Variants in EP400 observed in about 807,000 individuals in gnomAD.
EP400 encodes E1A binding protein p400, also known as E1A-binding protein p400.
In EP400, 105 loss-of-function variants were observed where a neutral mutation model predicts 354.1. The observed-to-expected ratio is 0.30, with a 90% confidence interval of 0.25 to 0.35. The LOEUF (loss-of-function observed/expected upper bound fraction) is 0.35. Among genes scored for constraint, EP400 ranks in the 10% least tolerant of loss-of-function variants. The pLI, the probability that EP400 is intolerant of heterozygous loss-of-function variation, is 1.00. For synonymous variants in EP400, 1,646 were observed against 1,716.9 expected (o/e 0.96, Z 1.02); for missense variants, 3,280 against 4,121.0 (o/e 0.80, Z 5.59).
chr12:132,067,252 G>A lies in EP400; in HGVS notation c.8750-110G>A, dbSNP rs1170286296. ...GGGATGGCTTACTTGTCTCCATAGA[G>A]TTTCATAGTTTGTTATTTTCTGTAG... On this transcript the variant is annotated intron_variant, in intron 49 of 52. Coordinates refer to ENST00000389561, the MANE Select transcript of EP400 (RefSeq NM_015409.5). The surrounding 1 kb of genome is among the most constrained non-coding windows in gnomAD (Gnocchi z 5.3). 2 of 1,477,014 alleles carry A rather than the reference G, an allele frequency of 1.4e-6. No individual in the cohort carries two copies. The highest frequency in any genetic ancestry group is 1.8e-6 in the Non-Finnish European group (2 of 1,095,756). 91.5% of individuals were successfully genotyped at this position (1,477,014 alleles called of 1,614,324 possible).
At chr12:131,997,179 C>G (rs1227948002) in intron 12 of EP400, among the ~76,000 whole-genome samples, 1 of 152,234 alleles carries the variant, frequency 6.6e-6, no homozygotes, top group African/African-American at 2.4e-5. Flanking sequence ...CTTTTGACTC[C>G]TTCAAAACTT....
chr12:131,984,702 A>AT, intron 5 of EP400, among the ~76,000 whole-genome samples: 1 of 151,462 alleles, frequency 6.6e-6, no homozygotes, highest in Non-Finnish European at 1.5e-5. Context: ...ATTTTATTTT[A>AT]TCTTTTTTTT....
Position 131,961,888 on chromosome 12 carries a change from G to A in EP400, c.1269G>A (p.Leu423=), listed in dbSNP as rs753728916. ...PLQAYLRQND[L]DIEEEEEEEE... is the part of the protein sequence containing the mutation. ...AAGCATATCTTAGGCAGAATGATTTGGACATTGAAGAAGAGGAGGAGGAGG... is the reference window on the plus strand; with the variant it reads ...AAGCATATCTTAGGCAGAATGATTTAGACATTGAAGAAGAGGAGGAGGAGG... The change falls in exon 2 of 53, where the codon TTG becomes TTA. Residue 423 remains leucine, a synonymous_variant. Coordinates refer to ENST00000389561, the MANE Select transcript of EP400 (RefSeq NM_015409.5). The A allele has an allele frequency of 6.2e-7, 1 of 1,614,094 alleles. No homozygotes were observed. The highest frequency in any genetic ancestry group is 1.1e-5 in the South Asian group (1 of 91,078).
At position 132,003,445 on chromosome 12, in the gene EP400, C is replaced by G. The variant is rs545593447; in HGVS notation, c.2828-1632C>G. Reference sequence around the variant, plus strand: ...CTTGGATTTTGGTATCGAAAGGGGCCTTGGAACCACCTTCTCAGGGATACT... The same window carrying G: ...CTTGGATTTTGGTATCGAAAGGGGCGTTGGAACCACCTTCTCAGGGATACT... On this transcript the variant is annotated intron_variant, in intron 12 of 52. Coordinates refer to ENST00000389561, the MANE Select transcript of EP400 (RefSeq NM_015409.5). Among the ~76,000 whole-genome samples the G allele has an allele frequency of 1.1e-4, 16 of 152,206 alleles. 1 individual carries two copies. The highest frequency in any genetic ancestry group is 3.6e-4 in the African/African-American group (15 of 41,534).
Position 131,990,708 on chromosome 12 carries a change from A to T in EP400, c.2623A>T (p.Arg875Trp), listed in dbSNP as rs1172582742. Residue 875 changes from arginine to tryptophan, a missense_variant, in exon 9 of 53, where the codon AGG becomes TGG. Around this residue, in one of 20 missense-constraint regions of EP400, gnomAD observed 800 missense variants for 840.0 expected, o/e 0.95. Coordinates refer to ENST00000389561, the MANE Select transcript of EP400 (RefSeq NM_015409.5). The surrounding 1 kb of genome is among the most constrained non-coding windows in gnomAD (Gnocchi z 4.2). ...GGCCTTAAATTTACAGAAAGTTTCC[A>T]GGAGAGGTAGGACCCTTTAAAAAAA... is the stretch of plus-strand genomic sequence containing the variant. ...KKALNLQKVS[R>W]RGKELRPKGF... 6.2e-7 allele frequency: 1 copy of T among 1,610,390 alleles called. No homozygotes were observed. Among genetic ancestry groups the T allele is most frequent in the Non-Finnish European group, 8.5e-7 (1 of 1,177,718 alleles).
At position 132,053,409 on chromosome 12, in the gene EP400, C is replaced by T; in HGVS notation, c.7540C>T (p.Pro2514Ser). 6.6e-7 allele frequency: 1 copy of T among 1,509,220 alleles called. No individual in the cohort carries two copies. The highest frequency in any genetic ancestry group is 8.8e-7 in the Non-Finnish European group (1 of 1,132,498). 93.5% of individuals were successfully genotyped at this position (1,509,220 alleles called of 1,614,324 possible). ...CCAGCCACCCCCGCCCCAGCCGCAG[C>T]CCCCACCACCCCCGCAGCAGCCACC... ...VAQPPPPQPQ[P>S]PPPPQQPPPP... The change falls in exon 43 of 53, where the codon CCC becomes TCC. Residue 2514 changes from proline to serine, a missense_variant. Physicochemically the swap from Pro to Ser is moderately conservative, Grantham distance 74. Around this residue, in one of 20 missense-constraint regions of EP400, gnomAD observed 255 missense variants for 295.9 expected, o/e 0.86. Coordinates refer to ENST00000389561, the MANE Select transcript of EP400 (RefSeq NM_015409.5).
intron 2 of EP400, among the ~76,000 whole-genome samples, chr12:131,965,175 C>G (rs147922062): frequency 1.1e-3 from 165 of 152,280 alleles, no homozygotes; most frequent in African/African-American, 3.8e-3. Flanking sequence ...GTCACTTTGT[C>G]CTATAACTAG....
rs147140358 is a variant in EP400, at chr12:132,008,526, A to G, written c.3304+1649A>G. On this transcript the variant is annotated intron_variant, in intron 15 of 52. Transcript: ENST00000389561. ...AGCTACCTTGCCTTGCTACTTTATT[A>G]TTTGGGTTAAAAGAGTGTTCACTGT... 1.2e-4 allele frequency among the ~76,000 whole-genome samples: 18 copies of G among 152,120 alleles called. 1 individual carries two copies. In the East Asian group the frequency reaches 2.9e-3, roughly 25 times the overall value.
At chr12:131,968,386 CTT>C (rs1474550336) in intron 2 of EP400, among the ~76,000 whole-genome samples, 1 of 152,130 alleles carries the variant, frequency 6.6e-6, no homozygotes, top group Admixed American at 6.5e-5. Context: ...TGAGTTGATA[CTT>C]TTATGGTTCT....
intron 30 of EP400, among the ~76,000 whole-genome samples, chr12:132,034,678 A>G (rs538152062): frequency 7.2e-5 from 11 of 152,336 alleles, no homozygotes; most frequent in Non-Finnish European, 1.0e-4. Flanking sequence ...TGGCTGTCGC[A>G]GTAACTGGAG....
At chr12:132,045,584 C>G in intron 38 of EP400, 24 bp downstream of exon 38, 2 of 1,612,458 alleles carry the variant, frequency 1.2e-6, no homozygotes, top group East Asian at 4.5e-5. Context: ...GTCTTTGTGC[C>G]AGCGGTCATG....
intron 45 of EP400, among the ~76,000 whole-genome samples, chr12:132,059,662 A>G (rs910544945): frequency 2.0e-5 from 3 of 152,230 alleles, no homozygotes; most frequent in Non-Finnish European, 2.9e-5. Flanking sequence ...GGAATGACAG[A>G]CACTGGATAG....
intron 32 of EP400, among the ~76,000 whole-genome samples, chr12:132,041,643 T>A: frequency 6.6e-6 from 1 of 152,246 alleles, no homozygotes; most frequent in Non-Finnish European, 1.5e-5. Context: ...TGTCTTTTGG[T>A]AAGCACGTAT....
At chr12:132,010,921 G>C (rs957099427) in intron 15 of EP400, among the ~76,000 whole-genome samples, 3 of 152,188 alleles carry the variant, frequency 2.0e-5, no homozygotes, top group African/African-American at 7.2e-5. Context: ...CAGCCTGGGT[G>C]ACAAGAGCAA....
intron 45 of EP400, among the ~76,000 whole-genome samples, chr12:132,056,114 C>T (rs1246054769): frequency 6.6e-6 from 1 of 151,982 alleles, no homozygotes; most frequent in Non-Finnish European, 1.5e-5. Flanking sequence ...GCCCTGGGAC[C>T]ACCTGCTTCT....
At chr12:131,966,325 C>T (rs751357141) in intron 2 of EP400, among the ~76,000 whole-genome samples, 1 of 152,092 alleles carries the variant, frequency 6.6e-6, no homozygotes, top group Non-Finnish European at 1.5e-5. Flanking sequence ...GTAGTCCCAG[C>T]ACTTTGGGAG....
chr12:131,964,600 T>A (rs913016941), intron 2 of EP400, among the ~76,000 whole-genome samples: 3 of 152,236 alleles, frequency 2.0e-5, no homozygotes, highest in African/African-American at 7.2e-5. Flanking sequence ...TTGATTTAAT[T>A]TCAAATGTAC....
intron 15 of EP400, among the ~76,000 whole-genome samples, chr12:132,009,732 T>C (rs1893699994): frequency 6.6e-6 from 1 of 151,870 alleles, no homozygotes; most frequent in South Asian, 2.1e-4. Context: ...TGATCATGGC[T>C]CACTGCAGCC....
In EP400 at chr12:132,004,989, C is replaced by T. The variant is rs117163994; in HGVS notation, c.2828-88C>T. The T allele has an allele frequency of 9.7e-4, 955 of 987,552 alleles. 16 individuals carry two copies. In the East Asian group the frequency reaches 0.022, roughly 23 times the overall value. 61.2% of individuals were successfully genotyped at this position (987,552 alleles called of 1,614,324 possible). A position where few individuals can be genotyped will look rare whatever the true frequency, so the allele number is the denominator to read the frequency against. On this transcript the variant is annotated intron_variant, in intron 12 of 52. Transcript: ENST00000389561. ...AGAGGGAGCCCCTTGCCCTTCTTAC[C>T]GTGGTTCTCCTGGCTGCTGCTCCTT...
Sources: allele counts gnomAD v4.1 joint callset (sites outside exome capture counted in the v4.1 genomes callset), GRCh38; gene constraint gnomAD v4.1.1; regional missense constraint gnomAD v4.1.1; non-coding constraint Gnocchi (gnomAD v3.1); transcripts MANE v1.5; gene names NCBI Gene and HGNC (gene_info 2026-07-23, HGNC 2026-07-21).